The following COL20A1 variants were observed in gnomAD, a reference collection of about 807,000 sequenced individuals.
COL20A1 encodes collagen type XX alpha 1 chain.
In COL20A1, 164 loss-of-function variants were observed where a neutral mutation model predicts 152.9. The observed-to-expected ratio is 1.07, with a 90% CI of 0.94 to 1.22. The LOEUF (loss-of-function observed/expected upper bound fraction) is 1.22, where lower values mean the gene tolerates loss of function less well. COL20A1 is among the 50% of genes most tolerant of loss of function. The pLI is 0.00. For missense variants in COL20A1, 1,873 were observed against 1,744.8 expected, an observed-to-expected ratio of 1.07 and a Z score of -1.31; for synonymous variants, 864 against 756.0, an observed-to-expected ratio of 1.14 and a Z score of -2.34.
At chr20:63,325,853 C>G (rs2068239238) in intron 29 of COL20A1, 132 bp downstream of exon 29, 3 of 857,406 alleles carry the variant, frequency 3.5e-6, no homozygotes, top group Non-Finnish European at 5.6e-6. Flanking sequence ...TCACCTGCTG[C>G]ACCACCCCCT....
At chr20:63,325,352 C>T (rs1319253278) in intron 27 of COL20A1, 89 bp from the exon 28 acceptor site, 1 of 1,015,976 alleles carries the variant, frequency 9.8e-7, no homozygotes, top group Admixed American at 1.8e-5. Context: ...GCCGTGCAGT[C>T]CAGGGGCCTG....
chr20:63,294,940 C>G (rs759323659), intron 1 of COL20A1, 158 bp from the exon 2 acceptor site: 6 of 579,024 alleles, frequency 1.0e-5, no homozygotes, highest in Non-Finnish European at 1.8e-5. Flanking sequence ...CCCTAGACAA[C>G]AGGTTGCAGG....
intron 3 of COL20A1, among the ~76,000 whole-genome samples, chr20:63,303,718 T>G (rs796218244): frequency 4.3e-4 from 66 of 152,282 alleles, no homozygotes; most frequent in African/African-American, 1.5e-3. Flanking sequence ...CGGGGCTGGG[T>G]AGGGCTGTGG....
At chr20:63,316,437 C>A in intron 20 of COL20A1, 116 bp from the exon 21 acceptor site, 1 of 675,442 alleles carries the variant, frequency 1.5e-6, no homozygotes. Flanking sequence ...GTCACCCCTC[C>A]CTCCCACCGC....
rs1057408018 is a variant in COL20A1 at position 63,328,615 on chromosome 20, C to T, written c.3781+117C>T. ...AGCACAGCAGCTCCTGCTGGAGATGCCACTGTCCAGCCTCTGGGGTGCTGG... is the reference window on the plus strand; with the variant it reads ...AGCACAGCAGCTCCTGCTGGAGATGTCACTGTCCAGCCTCTGGGGTGCTGG... On this transcript the variant is annotated intron_variant, in intron 34 of 35. Transcript: ENST00000358894. 84 of 1,000,466 alleles carry T rather than the reference C, an allele frequency of 8.4e-5. No individual in the cohort carries two copies. The Middle Eastern group carries it at 9.7e-4, about 12-fold the overall frequency. 62.0% of individuals were successfully genotyped at this position (1,000,466 alleles called of 1,614,324 possible). A position where few individuals can be genotyped will look rare whatever the true frequency, so the allele number is the denominator to read the frequency against.
At chr20:63,300,564 T>A (rs2067852133) in intron 3 of COL20A1, among the ~76,000 whole-genome samples, 2 of 152,224 alleles carry the variant, frequency 1.3e-5, no homozygotes, top group Admixed American at 6.5e-5. Context: ...CGTTATTGAT[T>A]GAATCTTCTC....
intron 35 of COL20A1, 143 bp downstream of exon 35, chr20:63,329,804 G>A: frequency 1.6e-6 from 1 of 625,722 alleles, no homozygotes; most frequent in African/African-American, 1.9e-5. Flanking sequence ...AGGCGAGGTG[G>A]CCCTGGGGAA....
intron 28 of COL20A1, 75 bp from the exon 29 acceptor site, chr20:63,325,593 T>G: frequency 1.3e-6 from 2 of 1,541,252 alleles, no homozygotes; most frequent in South Asian, 2.3e-5. Context: ...GGGTTGGGGG[T>G]GAGGCCTCAC....
intron 14 of COL20A1, 30 bp from the exon 15 acceptor site, chr20:63,312,390 C>T (rs770752330): frequency 3.9e-6 from 6 of 1,528,578 alleles, no homozygotes; most frequent in Non-Finnish European, 5.2e-6. Context: ...ACCAGCTGGG[C>T]CTGCCATGTC....
rs1368522300 is a variant in COL20A1 at position 63,314,088 on chromosome 20, C to T, written c.2375C>T (p.Ala792Val). The T allele has an allele frequency of 6.2e-7, 1 of 1,612,768 alleles. No homozygotes were observed. The highest frequency in any genetic ancestry group is 8.5e-7 in the Non-Finnish European group (1 of 1,179,746). ...TTCTCCTAGGTCTCTGTGCCAGGAG[C>T]CAGGAGCCACGTGACACTGCCCGAC... is the stretch of plus-strand genomic sequence containing the variant. The part of the protein sequence containing the change: ...GPEKSVSVPG[A>V]RSHVTLPDLQ... Residue 792 changes from alanine (A) to valine (V), a missense_variant, in exon 19 of 36, where the codon GCC becomes GTC. By Grantham distance (64) the Ala-to-Val change is moderately conservative (BLOSUM62 0). Transcript: ENST00000358894.
At chr20:63,293,839 T>A (rs886924712) in intron 1 of COL20A1, among the ~76,000 whole-genome samples, 4 of 128,472 alleles carry the variant, frequency 3.1e-5, no homozygotes, top group African/African-American at 1.2e-4. Flanking sequence ...AGGAGCAGAT[T>A]CCCTGGTGGG....
chr20:63,312,597 CCTT>C lies in COL20A1; in HGVS notation c.1933+51_1933+53del, dbSNP rs757994400. 7.9e-6 allele frequency: 12 copies of C among 1,528,304 alleles called. No individual in the cohort carries two copies. The African/African-American group carries it at 1.2e-4, about 16-fold the overall frequency. 94.7% of individuals were successfully genotyped at this position (1,528,304 alleles called of 1,614,324 possible). ...TGGGGGTCCAGCAGGGTTTCTGTGTCCTTCTGCCCTGCTAGACAGTTCACATCA... is the reference window on the plus strand; with the variant it reads ...TGGGGGTCCAGCAGGGTTTCTGTGTCCTGCCCTGCTAGACAGTTCACATCA... On this transcript the variant is annotated intron_variant, in intron 15 of 35. Transcript: ENST00000358894.
intron 3 of COL20A1, among the ~76,000 whole-genome samples, chr20:63,298,635 G>A (rs571815135): frequency 5.9e-5 from 9 of 152,090 alleles, no homozygotes; most frequent in South Asian, 2.1e-4. Flanking sequence ...GTCTCAATGC[G>A]TCAGGGGCAT....
intron 27 of COL20A1, among the ~76,000 whole-genome samples, chr20:63,323,702 C>G (rs928087807): frequency 4.6e-5 from 7 of 152,156 alleles, no homozygotes; most frequent in African/African-American, 1.7e-4. Flanking sequence ...TCCAGTCTGT[C>G]CCGTTGATGT....
rs757858672 is a variant in COL20A1, at chr20:63,313,147, G to A, written c.2107G>A (p.Val703Ile). ...TGTCCCAGGGAACCTCGGCACGGCC[G>A]TCCTGCCTGGCCTAGGGAGGCACAC... ...ISVPGNLGTA[V>I]LPGLGRHTEY... Residue 703 changes from valine to isoleucine, a missense_variant, in exon 17 of 36, where the codon GTC becomes ATC. Physicochemically the swap from Val to Ile is conservative, Grantham distance 29. Transcript: ENST00000358894. The surrounding 1 kb of genome is among the most constrained non-coding windows in gnomAD (Gnocchi z 5.9). 5 of 1,611,554 alleles carry A rather than the reference G, an allele frequency of 3.1e-6. No homozygotes were observed. Among genetic ancestry groups the A allele is most frequent in the African/African-American group, 1.3e-5 (1 of 75,002 alleles).
rs1205559386 is a variant in COL20A1 at position 63,334,229 on chromosome 20, G to C, written c.*3513G>C. On this transcript the variant is annotated 3_prime_UTR_variant, in exon 36 of 36. Coordinates refer to ENST00000358894, the MANE Select transcript of COL20A1 (RefSeq NM_020882.4). ...AAACAACCAATGATAACAAGCTAAA[G>C]AATGCCTCTAGAAGCTAAAAGACAC... 3 of 152,186 alleles carry C rather than the reference G, an allele frequency of 2.0e-5. No individual in the cohort carries two copies. The highest frequency in any genetic ancestry group is 7.2e-5 in the African/African-American group (3 of 41,418). 9.4% of individuals were successfully genotyped at this position (152,186 alleles called of 1,614,324 possible). A position where few individuals can be genotyped will look rare whatever the true frequency, so the allele number is the denominator to read the frequency against.
Position 63,320,086 on chromosome 20 carries a change from C to A in COL20A1, c.2964C>A (p.Cys988Ter). ...CCAAGGTCAGGCTCTATGTGGACTG[C>A]CGGAAGGTGGCTGAGCGGCCCCTTG... Reference protein sequence around the residue: ...GRSKVRLYVDCRKVAERPLGE... With the variant: ...GRSKVRLYVD Residue 988 changes from cysteine to a stop codon, truncating the protein, a stop_gained, in exon 24 of 36, where the codon TGC becomes TGA. Transcript: ENST00000358894. LOFTEE classifies it high-confidence loss of function. 6.4e-7 allele frequency: 1 copy of A among 1,555,246 alleles called. No homozygotes were observed. The highest frequency in any genetic ancestry group is 1.4e-5 in the African/African-American group (1 of 73,370).
At position 63,315,664 on chromosome 20, in the gene COL20A1, G is replaced by A. The variant is rs563351145; in HGVS notation, c.2524+225G>A. 7.2e-5 allele frequency among the ~76,000 whole-genome samples: 11 copies of A among 152,246 alleles called. No individual in the cohort carries two copies. The East Asian group carries it at 2.1e-3, about 29-fold the overall frequency. On this transcript the variant is annotated intron_variant, in intron 20 of 35. Transcript: ENST00000358894. Reference sequence around the variant, plus strand: ...TTATGTAAGGTCAGGGCCAGGAACCGGCAGAGCCCAGGCAGCGCTGGGGGC... The same window carrying A: ...TTATGTAAGGTCAGGGCCAGGAACCAGCAGAGCCCAGGCAGCGCTGGGGGC...
At chr20:63,330,537 G>A (rs902639416) in intron 35 of COL20A1, among the ~76,000 whole-genome samples, 183 bp from the exon 36 acceptor site, 5 of 152,148 alleles carry the variant, frequency 3.3e-5, no homozygotes, top group African/African-American at 1.2e-4. Flanking sequence ...CCACGGCCCT[G>A]CCCGCAATCC....
Sources: gnomAD v4.1 joint callset for allele counts (sites outside exome capture counted in the v4.1 genomes callset) on GRCh38, gnomAD v4.1.1 for gene constraint, Gnocchi (gnomAD v3.1) non-coding constraint, MANE v1.5 for transcripts, NCBI Gene and HGNC (gene_info 2026-07-23, HGNC 2026-07-21) for gene names.